The following DENND1A variants were observed in gnomAD, a reference collection of about 807,000 sequenced individuals.
DENND1A encodes the protein DENN domain containing 1A.
Under a neutral mutation model 113.7 loss-of-function variants are expected in DENND1A, and 51 were observed. The ratio of observed to expected loss-of-function variants is 0.45; its 90% CI spans 0.36 to 0.57. The LOEUF (loss-of-function observed/expected upper bound fraction) is 0.57. Ranked by LOEUF, DENND1A falls within the 20% of genes least tolerant of loss-of-function variation. The pLI is 0.00. For synonymous variants in DENND1A, 565 were observed against 570.8 expected (o/e 0.99, Z 0.14); for missense variants, 1,258 against 1,395.9 (o/e 0.90, Z 1.57).
intron 11 of DENND1A, among the ~76,000 whole-genome samples, chr9:123,599,296 A>G (rs1428916777): frequency 1.3e-5 from 2 of 152,236 alleles, no homozygotes; most frequent in Non-Finnish European, 2.9e-5. Context: ...TATAGACTCC[A>G]TTTTTAAACA....
intron 9 of DENND1A, among the ~76,000 whole-genome samples, chr9:123,646,555 C>T (rs1368928863): frequency 6.6e-6 from 1 of 152,080 alleles, no homozygotes; most frequent in East Asian, 1.9e-4. Context: ...ACCACAGTGT[C>T]GCCTTTCCTG....
At chr9:123,437,373 C>T (rs553101585) in intron 19 of DENND1A, among the ~76,000 whole-genome samples, 25 of 152,292 alleles carry the variant, frequency 1.6e-4, no homozygotes, top group African/African-American at 6.0e-4. Context: ...TGCCAGCCCC[C>T]GCTGCAGAGC....
intron 3 of DENND1A, among the ~76,000 whole-genome samples, chr9:123,776,675 G>A (rs1830520288): frequency 6.6e-6 from 1 of 152,132 alleles, no homozygotes; most frequent in African/African-American, 2.4e-5. Context: ...GCAGGACTCT[G>A]TTGTCAAGAC....
At chr9:123,903,068 C>T (rs969612753) in intron 1 of DENND1A, among the ~76,000 whole-genome samples, 10 of 152,010 alleles carry the variant, frequency 6.6e-5, no homozygotes, top group South Asian at 6.2e-4. Flanking sequence ...CGCGGTGGCT[C>T]ACACCTGTAA....
At chr9:123,751,847 T>C (rs963237684) in intron 5 of DENND1A, 3 of 152,360 alleles carry the variant, frequency 2.0e-5, no homozygotes, top group African/African-American at 7.2e-5. Flanking sequence ...CTGGAACTCA[T>C]CAGCAACACT....
At chr9:123,734,608 T>G (rs1047564254) in intron 5 of DENND1A, among the ~76,000 whole-genome samples, 1 of 152,136 alleles carries the variant, frequency 6.6e-6, no homozygotes. Flanking sequence ...CAAACAGAGC[T>G]AGGTTCAAAT....
chr9:123,843,053 C>CA (rs1217357711), intron 2 of DENND1A: 1 of 508,310 alleles, frequency 2.0e-6, no homozygotes, highest in Admixed American at 2.2e-5. Context: ...ATACTGACAT[C>CA]AAAAAACTAC....
intron 3 of DENND1A, among the ~76,000 whole-genome samples, chr9:123,784,033 T>A (rs1831735271): frequency 6.6e-6 from 1 of 152,142 alleles, no homozygotes. Context: ...AGGTAGGAGT[T>A]GCAGGACAGC....
At chr9:123,579,962 G>A (rs965095019) in intron 12 of DENND1A, among the ~76,000 whole-genome samples, 1 of 152,186 alleles carries the variant, frequency 6.6e-6, no homozygotes, top group Non-Finnish European at 1.5e-5. Context: ...AAACCAGCTT[G>A]CATATAGGAG....
intron 12 of DENND1A, among the ~76,000 whole-genome samples, chr9:123,571,930 T>G (rs2058377857): frequency 6.6e-6 from 1 of 152,216 alleles, no homozygotes; most frequent in Non-Finnish European, 1.5e-5. Flanking sequence ...TGATGAAAGC[T>G]CCACATAAAT....
chr9:123,647,754 G>A (rs1410205344), intron 9 of DENND1A, among the ~76,000 whole-genome samples: 2 of 152,028 alleles, frequency 1.3e-5, no homozygotes, highest in African/African-American at 4.8e-5. Context: ...TCATTGATCC[G>A]ATCGATATTC....
At chr9:123,648,808 T>A (rs1344445208) in intron 9 of DENND1A, among the ~76,000 whole-genome samples, 1 of 152,222 alleles carries the variant, frequency 6.6e-6, no homozygotes, top group Non-Finnish European at 1.5e-5. Flanking sequence ...TTTATTTTTG[T>A]GTGTGTACAA....
At chr9:123,853,983 T>C (rs1369799448) in intron 2 of DENND1A, among the ~76,000 whole-genome samples, 2 of 152,184 alleles carry the variant, frequency 1.3e-5, no homozygotes, top group East Asian at 3.8e-4. Context: ...TCATCACCTT[T>C]AGAATATTAG....
intron 2 of DENND1A, among the ~76,000 whole-genome samples, chr9:123,856,479 T>C (rs1564397683): frequency 1.3e-5 from 2 of 152,052 alleles, no homozygotes; most frequent in Non-Finnish European, 2.9e-5. Flanking sequence ...GGGGTGTCAG[T>C]GTCAACGCAG....
chr9:123,621,657 C>T (rs926408962), intron 10 of DENND1A, among the ~76,000 whole-genome samples: 1 of 152,212 alleles, frequency 6.6e-6, no homozygotes, highest in Non-Finnish European at 1.5e-5. Context: ...GACCTCCAAT[C>T]TAGTAAATGG....
At chr9:123,722,978 T>C (rs1489622365) in intron 5 of DENND1A, among the ~76,000 whole-genome samples, 1 of 152,162 alleles carries the variant, frequency 6.6e-6, no homozygotes, top group East Asian at 1.9e-4. Flanking sequence ...ACTGTGTGCC[T>C]AGAAAAAGCT....
At chr9:123,514,901 C>A (rs919553886) in intron 13 of DENND1A, among the ~76,000 whole-genome samples, 5 of 152,104 alleles carry the variant, frequency 3.3e-5, no homozygotes, top group African/African-American at 1.2e-4. Context: ...CCAGGACTCA[C>A]GGAGGAAAGG....
intron 11 of DENND1A, among the ~76,000 whole-genome samples, chr9:123,607,514 CACACACAGAGAGAG>C (rs1159530702): frequency 1.6e-4 from 15 of 93,028 alleles, no homozygotes; most frequent in African/African-American, 4.2e-4. Context: ...CACACACACA[CACACACAGAGAGAG>C]AGAGAGAGAG....
In DENND1A at chr9:123,827,276, A is replaced by G. The variant is rs574102491; in HGVS notation, c.89-34646T>C. ...TATACCTGCCTTATAATGTCAGGGT[A>G]CTTGTTAGCCTAAAGTCCTAAGTCT... On this transcript the variant is annotated intron_variant, in intron 2 of 23. Coordinates refer to ENST00000394215, the MANE Select transcript of DENND1A (RefSeq NM_001352964.2). Among the ~76,000 whole-genome samples the G allele has an allele frequency of 2.6e-5, 4 of 152,026 alleles. No individual in the cohort carries two copies. In the South Asian group the frequency reaches 8.3e-4, roughly 32 times the overall value.
Sources: allele counts gnomAD v4.1 joint callset (sites outside exome capture counted in the v4.1 genomes callset), GRCh38; gene constraint gnomAD v4.1.1; transcripts MANE v1.5; gene names NCBI Gene and HGNC (gene_info 2026-07-23, HGNC 2026-07-21).